FAM227B: variants seen among roughly 807,000 people sequenced by gnomAD.
FAM227B encodes the protein family with sequence similarity 227 member B.
A neutral mutation model predicts 73.8 loss-of-function variants in FAM227B; 88 were observed. That is an observed-to-expected ratio of 1.19 (90% confidence interval 1.00 to 1.42). The LOEUF (loss-of-function observed/expected upper bound fraction) is 1.42. Ranked by LOEUF, FAM227B falls within the 40% of genes most tolerant of loss-of-function variation. FAM227B has a pLI of 0.00. For synonymous variants in FAM227B, 210 were observed against 190.5 expected (o/e 1.10, Z -0.84); for missense variants, 632 against 590.9 (o/e 1.07, Z -0.72).
Position 49,516,335 on chromosome 15 carries a change from C to G in FAM227B, c.875-7987G>C, listed in dbSNP as rs563924756. 3.9e-5 allele frequency among the ~76,000 whole-genome samples: 6 copies of G among 152,106 alleles called. No individual in the cohort carries two copies. In the South Asian group the frequency reaches 1.2e-3, roughly 32 times the overall value. ...ACACTAACCTATGCTCAGCTTTTAG[C>G]AATTCACTAAAAATTTCTGCTAAAT... On this transcript the variant is annotated intron_variant, in intron 10 of 15. Transcript: ENST00000299338.
rs1229344102 is a variant in FAM227B, at chr15:49,328,288, A to G, written c.*280T>C. 3 of 1,439,604 alleles carry G rather than the reference A, an allele frequency of 2.1e-6. No homozygotes were observed. The highest frequency in any genetic ancestry group is 2.7e-6 in the Non-Finnish European group (3 of 1,099,022). 89.2% of individuals were successfully genotyped at this position (1,439,604 alleles called of 1,614,324 possible). A position where few individuals can be genotyped will look rare whatever the true frequency, so the allele number is the denominator to read the frequency against. On this transcript the variant is annotated 3_prime_UTR_variant, in exon 16 of 16. Transcript: ENST00000299338. ...AACGGTTGCTATTATATCAAGATATATTTTCAAAGAAATGGTTGAAAGCTC... is the reference window on the plus strand; with the variant it reads ...AACGGTTGCTATTATATCAAGATATGTTTTCAAAGAAATGGTTGAAAGCTC...
intron 10 of FAM227B, among the ~76,000 whole-genome samples, chr15:49,540,976 A>G (rs188492932): frequency 6.6e-6 from 1 of 152,286 alleles, no homozygotes; most frequent in African/African-American, 2.4e-5. Flanking sequence ...TTTCTTATAA[A>G]AGTGATTTGG....
intron 11 of FAM227B, among the ~76,000 whole-genome samples, chr15:49,390,728 T>C (rs1040679385): frequency 6.6e-6 from 1 of 152,146 alleles, no homozygotes; most frequent in Admixed American, 6.6e-5. Flanking sequence ...TGTACAGCTA[T>C]GTAAAATAAA....
intron 11 of FAM227B, among the ~76,000 whole-genome samples, chr15:49,432,485 A>G (rs1350112414): frequency 4.6e-5 from 7 of 151,700 alleles, no homozygotes; most frequent in African/African-American, 1.7e-4. Context: ...TTATTTGACA[A>G]CATAACACTC....
chr15:49,405,353 C>G (rs113579301), intron 11 of FAM227B, among the ~76,000 whole-genome samples: 2,785 of 152,300 alleles, frequency 0.018, 49 homozygotes, highest in South Asian at 0.093. Flanking sequence ...TGTTTTCCAA[C>G]TTGCTTGTAC....
intron 4 of FAM227B, among the ~76,000 whole-genome samples, chr15:49,588,808 T>A (rs1317008102): frequency 2.0e-5 from 3 of 150,922 alleles, no homozygotes; most frequent in African/African-American, 7.3e-5. Context: ...ATTAAAAATA[T>A]AAACTTTTAA....
At chr15:49,431,600 A>G (rs2050625374) in intron 11 of FAM227B, among the ~76,000 whole-genome samples, 1 of 151,766 alleles carries the variant, frequency 6.6e-6, no homozygotes, top group African/African-American at 2.4e-5. Context: ...ACTTCCCTCC[A>G]GAAGAAAGTA....
chr15:49,368,630 T>G (rs538336063), intron 12 of FAM227B, among the ~76,000 whole-genome samples: 24 of 152,302 alleles, frequency 1.6e-4, no homozygotes, highest in Admixed American at 1.4e-3. Context: ...TAATTCACAT[T>G]GGGTTACGTA....
intron 9 of FAM227B, among the ~76,000 whole-genome samples, chr15:49,558,359 G>A (rs2073936891): frequency 6.6e-6 from 1 of 152,182 alleles, no homozygotes; most frequent in South Asian, 2.1e-4. Context: ...TGGCACCTTT[G>A]CATTGTTCTG....
intron 9 of FAM227B, among the ~76,000 whole-genome samples, chr15:49,551,541 T>A (rs1012198109): frequency 2.0e-5 from 3 of 152,214 alleles, no homozygotes; most frequent in African/African-American, 7.2e-5. Context: ...AGTCTTGTTT[T>A]TTCATCCATT....
intron 13 of FAM227B, among the ~76,000 whole-genome samples, chr15:49,363,964 C>G (rs1261446618): frequency 6.6e-6 from 1 of 152,116 alleles, no homozygotes; most frequent in Non-Finnish European, 1.5e-5. Context: ...AGAGGTAAAG[C>G]CTACTTTGTC....
At chr15:49,525,677 TATATATATATATATATATATATATATA>T (rs1398256319) in intron 10 of FAM227B, among the ~76,000 whole-genome samples, 7 of 38,200 alleles carry the variant, frequency 1.8e-4, no homozygotes, top group African/African-American at 5.0e-4. Flanking sequence ...TATATATATA[TATATATATATATATATATATATATATA>T]TATATATATA....
At chr15:49,574,205 G>T (rs567315013) in intron 8 of FAM227B, among the ~76,000 whole-genome samples, 2 of 151,974 alleles carry the variant, frequency 1.3e-5, no homozygotes, top group South Asian at 2.1e-4. Flanking sequence ...AACATTAAGG[G>T]TATTATAATA....
At chr15:49,451,951 A>C (rs2052788717) in intron 11 of FAM227B, among the ~76,000 whole-genome samples, 1 of 152,136 alleles carries the variant, frequency 6.6e-6, no homozygotes, top group Admixed American at 6.6e-5. Flanking sequence ...GTGTTTAATA[A>C]CTAGTGAAAA....
At chr15:49,361,194 ATTAAAAAATTAATTTAAAAAAC>A (rs2044168400) in intron 13 of FAM227B, among the ~76,000 whole-genome samples, 1 of 152,192 alleles carries the variant, frequency 6.6e-6, no homozygotes, top group African/African-American at 2.4e-5. Context: ...TAATTTGTCA[ATTAAAAAATTAATTTAAAAAAC>A]TTAAAAAATA....
rs937766870 is a variant in FAM227B at position 49,539,403 on chromosome 15, G to A, written c.874+2277C>T. ...TGTGGGCATCTTCGTGGTGGTAGTAGTGGTGGCATCAGTGTCTGATGTTCA... is the reference window on the plus strand; with the variant it reads ...TGTGGGCATCTTCGTGGTGGTAGTAATGGTGGCATCAGTGTCTGATGTTCA... On this transcript the variant is annotated intron_variant, in intron 10 of 15. Transcript: ENST00000299338. 2.0e-5 allele frequency among the ~76,000 whole-genome samples: 3 copies of A among 152,212 alleles called. No homozygotes were observed. In the East Asian group the frequency reaches 5.8e-4, roughly 29 times the overall value.
At chr15:49,365,823 C>A in intron 13 of FAM227B, 2 of 871,228 alleles carry the variant, frequency 2.3e-6, no homozygotes, top group Non-Finnish European at 4.0e-6. Context: ...ACATAAGTCT[C>A]ACTTCCATGC....
chr15:49,427,212 C>G (rs1335597742), intron 11 of FAM227B, among the ~76,000 whole-genome samples: 3 of 151,776 alleles, frequency 2.0e-5, no homozygotes, highest in African/African-American at 7.3e-5. Context: ...AATCTAGGTT[C>G]AAAAAATGCT....
At chr15:49,530,455 A>T (rs1316013295) in intron 10 of FAM227B, among the ~76,000 whole-genome samples, 1 of 151,872 alleles carries the variant, frequency 6.6e-6, no homozygotes, top group Non-Finnish European at 1.5e-5. Context: ...AAGTTTTATA[A>T]GGTTATGACT....
Sources: gnomAD v4.1 joint callset for allele counts (sites outside exome capture counted in the v4.1 genomes callset) on GRCh38, gnomAD v4.1.1 for gene constraint, MANE v1.5 for transcripts, NCBI Gene and HGNC (gene_info 2026-07-23, HGNC 2026-07-21) for gene names.